Variants in MTDH observed in about 807,000 individuals in gnomAD.
MTDH encodes the protein protein LYRIC.
A neutral mutation model predicts 72.7 loss-of-function variants in MTDH; 34 were observed. The ratio of observed to expected loss-of-function variants is 0.47; its 90% CI spans 0.36 to 0.62. The LOEUF is 0.62. Among genes scored for constraint, MTDH ranks in the 20% least tolerant of loss-of-function variants. The pLI, the probability that MTDH is intolerant of heterozygous loss-of-function variation, is 0.00. For missense variants in MTDH, 677 were observed against 699.4 expected, an observed-to-expected ratio of 0.97 and a Z score of 0.36; for synonymous variants, 266 against 268.9, an observed-to-expected ratio of 0.99 and a Z score of 0.10.
chr8:97,678,574 C>T, intron 2 of MTDH, among the ~76,000 whole-genome samples: 2 of 145,034 alleles, frequency 1.4e-5, no homozygotes, highest in Admixed American at 6.9e-5. Flanking sequence ...TCTCTGTTTC[C>T]TTTGCTTCCT....
At chr8:97,650,731 A>T (rs1370163405) in intron 1 of MTDH, among the ~76,000 whole-genome samples, 1 of 151,638 alleles carries the variant, frequency 6.6e-6, no homozygotes, top group Non-Finnish European at 1.5e-5. Flanking sequence ...TTAAAAATTT[A>T]TTTATTTATT....
chr8:97,724,492 A>C, intron 11 of MTDH, 108 bp from the exon 12 acceptor site: 1 of 719,002 alleles, frequency 1.4e-6, no homozygotes, highest in Non-Finnish European at 2.2e-6. Context: ...ATAAAATTTG[A>C]GTATTTTAAA....
rs1563579237 is a variant in MTDH, at chr8:97,728,330, GCTAGA to G, written c.*3664_*3668del. ...CTTTGTCAGTCATTTTGCATCTTAAGCTAGACTAAACTTTTTGTTGTTGTTTTCCT... is the reference window on the plus strand; with the variant it reads ...CTTTGTCAGTCATTTTGCATCTTAAGCTAAACTTTTTGTTGTTGTTTTCCT... On this transcript the variant is annotated 3_prime_UTR_variant, in exon 12 of 12. Coordinates refer to ENST00000336273, the MANE Select transcript of MTDH (RefSeq NM_178812.4). The G allele has an allele frequency of 6.6e-6, 1 of 152,166 alleles. No homozygotes were observed. Among genetic ancestry groups the G allele is most frequent in the Non-Finnish European group, 1.5e-5 (1 of 68,014 alleles). The allele number at this position is 152,166 out of a possible 1,614,324, so 9.4% of individuals were successfully genotyped here.
At chr8:97,703,129 C>T (rs2131039577) in intron 7 of MTDH, among the ~76,000 whole-genome samples, 1 of 152,276 alleles carries the variant, frequency 6.6e-6, no homozygotes, top group South Asian at 2.1e-4. Flanking sequence ...CTTTGGGAAG[C>T]CAAGGTGCAA....
rs1811460629 is a variant in MTDH, at chr8:97,644,199, C to T, written c.-308C>T. The T allele has an allele frequency of 2.7e-6, 1 of 372,322 alleles. No individual in the cohort carries two copies. The highest frequency in any genetic ancestry group is 4.1e-5 in the South Asian group (1 of 24,312). 23.1% of individuals were successfully genotyped at this position (372,322 alleles called of 1,614,324 possible). A position where few individuals can be genotyped will look rare whatever the true frequency, so the allele number is the denominator to read the frequency against. ...ATCGCGGCCCAAGCCGCCATTGTTC[C>T]GCCGAGGGAGGACAGCGGGGCCTGG... is the stretch of plus-strand genomic sequence containing the variant. On this transcript the variant is annotated 5_prime_UTR_variant, in exon 1 of 12. Coordinates refer to ENST00000336273, the MANE Select transcript of MTDH (RefSeq NM_178812.4).
At chr8:97,670,150 A>G (rs1812553998) in intron 2 of MTDH, among the ~76,000 whole-genome samples, 1 of 151,932 alleles carries the variant, frequency 6.6e-6, no homozygotes. Context: ...CCTCGTCTCT[A>G]TTAAAAATAC....
At chr8:97,687,737 G>A in intron 4 of MTDH, 132 bp downstream of exon 4, 1 of 738,974 alleles carries the variant, frequency 1.4e-6, no homozygotes, top group East Asian at 3.0e-5. Context: ...CCTTCTTCAT[G>A]AGAGTATTGT....
intron 11 of MTDH, among the ~76,000 whole-genome samples, chr8:97,723,822 A>G (rs1815242127): frequency 6.6e-6 from 1 of 151,822 alleles, no homozygotes; most frequent in African/African-American, 2.4e-5. Context: ...AAATAACTAA[A>G]GGAGGCTGGG....
chr8:97,666,736 C>T (rs905205234), intron 2 of MTDH, among the ~76,000 whole-genome samples: 1 of 152,148 alleles, frequency 6.6e-6, no homozygotes, highest in South Asian at 2.1e-4. Flanking sequence ...CTCACTCTGT[C>T]GCCCAGGGTG....
chr8:97,686,648 A>T lies in MTDH; in HGVS notation c.484-20A>T. The T allele has an allele frequency of 6.8e-7, 1 of 1,470,572 alleles. No individual in the cohort carries two copies. Among genetic ancestry groups the T allele is most frequent in the Non-Finnish European group, 9.2e-7 (1 of 1,085,336 alleles). The allele number at this position is 1,470,572 out of a possible 1,614,324, so 91.1% of individuals were successfully genotyped here. ...CAAAAACATAACAAAATATTAAGTA[A>T]CATTCTATTTTACTTTCAGTCAAAG... On this transcript the variant is annotated intron_variant, in intron 2 of 11. Coordinates refer to ENST00000336273, the MANE Select transcript of MTDH (RefSeq NM_178812.4).
chr8:97,681,663 T>C (rs1420069109), intron 2 of MTDH, among the ~76,000 whole-genome samples: 1 of 151,800 alleles, frequency 6.6e-6, no homozygotes. Flanking sequence ...TTGGCTGATT[T>C]TTGTATTTTT....
rs190314495 is a variant in MTDH, at chr8:97,673,387, G to A, written c.483+12214G>A. 1.8e-4 allele frequency among the ~76,000 whole-genome samples: 27 copies of A among 152,210 alleles called. No homozygotes were observed. In the East Asian group the frequency reaches 4.4e-3, roughly 25 times the overall value. On this transcript the variant is annotated intron_variant, in intron 2 of 11. Coordinates refer to ENST00000336273, the MANE Select transcript of MTDH (RefSeq NM_178812.4). ...AAATTTTTAAATTTAGGCCAGGCAC[G>A]GTGGTTCACGCCTGTAATCCCAGCA... is the stretch of plus-strand genomic sequence containing the variant.
At chr8:97,702,265 CA>C (rs891024667) in intron 7 of MTDH, among the ~76,000 whole-genome samples, 1 of 152,150 alleles carries the variant, frequency 6.6e-6, no homozygotes, top group Non-Finnish European at 1.5e-5. Context: ...TCTTGGCACA[CA>C]GGGGTGAATG....
intron 8 of MTDH, among the ~76,000 whole-genome samples, chr8:97,707,312 G>C (rs1196234753): frequency 6.6e-6 from 1 of 151,678 alleles, no homozygotes; most frequent in East Asian, 1.9e-4. Flanking sequence ...ACTATGCCCG[G>C]CTAATTTTTG....
At chr8:97,678,772 G>C (rs1667463454) in intron 2 of MTDH, among the ~76,000 whole-genome samples, 1 of 151,508 alleles carries the variant, frequency 6.6e-6, no homozygotes, top group Non-Finnish European at 1.5e-5. Context: ...AGTGTTCCAA[G>C]TCTGTTTATC....
At chr8:97,647,299 G>A (rs1024076098) in intron 1 of MTDH, among the ~76,000 whole-genome samples, 1 of 152,174 alleles carries the variant, frequency 6.6e-6, no homozygotes, top group Non-Finnish European at 1.5e-5. Flanking sequence ...ACCCAGGTGG[G>A]CGTGAAAGGC....
intron 10 of MTDH, 88 bp from the exon 11 acceptor site, chr8:97,722,791 G>A: frequency 7.3e-7 from 1 of 1,368,138 alleles, no homozygotes; most frequent in Non-Finnish European, 9.9e-7. Flanking sequence ...TTGAATTGCT[G>A]CTAAACCACC....
chr8:97,677,004 C>CAAAAA (rs57430782), intron 2 of MTDH, among the ~76,000 whole-genome samples: 263 of 23,314 alleles, frequency 0.011, 65 homozygotes, highest in African/African-American at 0.04. Context: ...GACTCTATCT[C>CAAAAA]AAAAAAAAAA....
chr8:97,706,495 C>T (rs1440776123), intron 7 of MTDH, 131 bp from the exon 8 acceptor site: 3 of 778,682 alleles, frequency 3.9e-6, no homozygotes, highest in Non-Finnish European at 3.6e-6. Flanking sequence ...TTTTCTGGCT[C>T]TTAAAATGTG....
Sources: gnomAD v4.1 joint callset for allele counts (sites outside exome capture counted in the v4.1 genomes callset) on GRCh38, gnomAD v4.1.1 for gene constraint, MANE v1.5 for transcripts, NCBI Gene and HGNC (gene_info 2026-07-23, HGNC 2026-07-21) for gene names.